Variants in PMS1 observed in about 807,000 individuals in gnomAD.
PMS1 encodes PMS1 protein homolog 1.
PMS1 carries 79 observed loss-of-function variants against 93.1 expected under a neutral mutation model. That is an observed-to-expected ratio of 0.85 (90% CI 0.71 to 1.02). The LOEUF (loss-of-function observed/expected upper bound fraction) is 1.02. PMS1 is among the 50% of genes least tolerant of loss of function. The pLI is 0.00. For synonymous variants in PMS1, 335 were observed against 363.4 expected (o/e 0.92, Z 0.89); for missense variants, 1,064 against 1,085.3 (o/e 0.98, Z 0.28).
intron 2 of PMS1, among the ~76,000 whole-genome samples, chr2:189,792,904 G>A (rs1252417377): frequency 2.0e-5 from 3 of 151,458 alleles, no homozygotes; most frequent in Non-Finnish European, 4.4e-5. Context: ...CTCCCTCCCC[G>A]GTTCATGCAA....
intron 3 of PMS1, among the ~76,000 whole-genome samples, chr2:189,796,976 A>G (rs151210809): frequency 2.6e-4 from 39 of 152,346 alleles, no homozygotes; most frequent in African/African-American, 8.4e-4. Context: ...TAAAAATTGT[A>G]TTAAGAAAAT....
intron 3 of PMS1, among the ~76,000 whole-genome samples, chr2:189,799,422 A>G (rs1160062437): frequency 6.6e-6 from 1 of 152,186 alleles, no homozygotes; most frequent in Non-Finnish European, 1.5e-5. Flanking sequence ...TCAGAACCCC[A>G]GAAGGTTCCC....
chr2:189,824,865 T>C (rs905500144), intron 5 of PMS1, among the ~76,000 whole-genome samples: 16 of 152,118 alleles, frequency 1.1e-4, no homozygotes, highest in African/African-American at 3.9e-4. Flanking sequence ...CCTCCCAAAA[T>C]AGCAATGACA....
intron 9 of PMS1, chr2:189,857,444 G>A (rs735558): frequency 0.042 from 19,595 of 467,892 alleles, 712 homozygotes; most frequent in African/African-American, 0.11. Flanking sequence ...AATCGTACTA[G>A]CTACCATTTC....
chr2:189,806,876 G>A (rs2050394251), intron 4 of PMS1: 1 of 213,302 alleles, frequency 4.7e-6, no homozygotes, highest in Admixed American at 5.9e-5. Context: ...TATTAGATCT[G>A]AAAAGGGACT....
chr2:189,853,141 T>C (rs256572), intron 7 of PMS1, among the ~76,000 whole-genome samples: 44,808 of 151,798 alleles, frequency 0.3, 11,360 homozygotes, highest in African/African-American at 0.69. Context: ...GCAACCTCCA[T>C]CTCCTGGGTT....
chr2:189,856,022 A>AT (rs5743139), intron 9 of PMS1: 182 of 180,600 alleles, frequency 1.0e-3, no homozygotes, highest in South Asian at 2.9e-3. Flanking sequence ...TACTTGACCA[A>AT]TTTTTTTTTT....
intron 3 of PMS1, among the ~76,000 whole-genome samples, chr2:189,798,761 T>G (rs991517054): frequency 1.3e-5 from 2 of 148,418 alleles, no homozygotes; most frequent in Admixed American, 6.6e-5. Flanking sequence ...TATTTGATTT[T>G]TTTTTTTTTT....
chr2:189,859,339 G>A (rs888304264), intron 9 of PMS1, among the ~76,000 whole-genome samples: 4 of 152,160 alleles, frequency 2.6e-5, no homozygotes, highest in Admixed American at 6.6e-5. Context: ...GACACAGAAA[G>A]ATTAAATAAT....
At chr2:189,802,081 G>T (rs2049940779) in intron 3 of PMS1, among the ~76,000 whole-genome samples, 1 of 151,984 alleles carries the variant, frequency 6.6e-6, no homozygotes. Flanking sequence ...GTCATCCTCT[G>T]CATAACATTT....
intron 12 of PMS1, among the ~76,000 whole-genome samples, chr2:189,877,031 C>A (rs1174821844): frequency 3.9e-5 from 6 of 152,116 alleles, no homozygotes; most frequent in African/African-American, 1.4e-4. Flanking sequence ...CTAAAATGTT[C>A]TGTCTTTTGT....
chr2:189,852,006 C>T (rs1212084601), intron 6 of PMS1, among the ~76,000 whole-genome samples: 2 of 152,100 alleles, frequency 1.3e-5, no homozygotes, highest in Non-Finnish European at 2.9e-5. Flanking sequence ...TATCCTTCTT[C>T]ATTTTCTCTT....
chr2:189,798,969 G>A (rs2049625026), intron 3 of PMS1, among the ~76,000 whole-genome samples: 2 of 152,162 alleles, frequency 1.3e-5, no homozygotes, highest in Admixed American at 1.3e-4. Flanking sequence ...CACATGAGCT[G>A]TATGATTTAT....
At chr2:189,854,189 G>T in intron 8 of PMS1, 50 bp from the exon 9 acceptor site, 1 of 1,440,668 alleles carries the variant, frequency 6.9e-7, no homozygotes, top group Non-Finnish European at 9.5e-7. Context: ...TTAAAATCTT[G>T]TCTATTATTT....
chr2:189,833,817 A>G (rs947702860), intron 5 of PMS1, among the ~76,000 whole-genome samples: 2 of 152,058 alleles, frequency 1.3e-5, no homozygotes, highest in Admixed American at 6.6e-5. Flanking sequence ...TTTTTCCTTT[A>G]TTTGTTATAG....
At chr2:189,799,740 A>G (rs1305225441) in intron 3 of PMS1, among the ~76,000 whole-genome samples, 3 of 152,198 alleles carry the variant, frequency 2.0e-5, no homozygotes, top group Non-Finnish European at 1.5e-5. Context: ...CTGAGTCTCC[A>G]TCTGGAGCTT....
At chr2:189,815,537 A>T (rs2051220534) in intron 4 of PMS1, among the ~76,000 whole-genome samples, 1 of 151,814 alleles carries the variant, frequency 6.6e-6, no homozygotes, top group African/African-American at 2.4e-5. Context: ...ATACACTCAC[A>T]CTCTCTCATG....
intron 5 of PMS1, among the ~76,000 whole-genome samples, chr2:189,828,540 A>G (rs764544838): frequency 1.3e-5 from 2 of 152,256 alleles, no homozygotes; most frequent in African/African-American, 2.4e-5. Context: ...CTCACAATGT[A>G]TCTCTGAAGA....
At chr2:189,792,703 ATATATATATATATATATG>A (rs958906250) in intron 2 of PMS1, among the ~76,000 whole-genome samples, 87 of 145,834 alleles carry the variant, frequency 6.0e-4, no homozygotes, top group African/African-American at 1.6e-3. Context: ...ATATATATAT[ATATATATATATATATATG>A]TAAAATAAAA....
Sources: gnomAD v4.1 joint callset for allele counts (sites outside exome capture counted in the v4.1 genomes callset) on GRCh38, gnomAD v4.1.1 for gene constraint, MANE v1.5 for transcripts, NCBI Gene and HGNC (gene_info 2026-07-23, HGNC 2026-07-21) for gene names.